GLT1D1: variants seen among roughly 807,000 people sequenced by gnomAD.
The protein encoded by GLT1D1 is glycosyltransferase 1 domain-containing protein 1.
GLT1D1 carries 21 observed loss-of-function variants against 28.7 expected under a neutral mutation model. That is an observed-to-expected ratio of 0.73 (90% CI 0.52 to 1.05). The LOEUF is 1.05. Ranked by LOEUF, GLT1D1 falls within the 50% of genes least tolerant of loss-of-function variation. The pLI, the probability that GLT1D1 is intolerant of heterozygous loss-of-function variation, is 0.00. For missense variants in GLT1D1, 343 were observed against 330.6 expected, an observed-to-expected ratio of 1.04 and a Z score of -0.29; for synonymous variants, 147 against 124.8, an observed-to-expected ratio of 1.18 and a Z score of -1.19.
At chr12:128,854,280 C>CCCG (rs1956151089) in intron 1 of GLT1D1, among the ~76,000 whole-genome samples, 1 of 152,238 alleles carries the variant, frequency 6.6e-6, no homozygotes, top group African/African-American at 2.4e-5. Context: ...CCGCGTTAAT[C>CCCG]CCGCCGCCTC....
intron 1 of GLT1D1, among the ~76,000 whole-genome samples, chr12:128,867,057 A>G (rs926904133): frequency 2.6e-5 from 4 of 151,910 alleles, no homozygotes; most frequent in South Asian, 2.1e-4. Context: ...TCTGACATAG[A>G]GGAGATTTGC....
intron 2 of GLT1D1, among the ~76,000 whole-genome samples, chr12:128,886,797 A>G (rs746549995): frequency 2.0e-5 from 3 of 151,982 alleles, no homozygotes; most frequent in Non-Finnish European, 2.9e-5. Context: ...GGGAGCAATT[A>G]TTCTCCCTAC....
chr12:128,916,559 T>C (rs1872132615), intron 4 of GLT1D1, among the ~76,000 whole-genome samples: 1 of 152,206 alleles, frequency 6.6e-6, no homozygotes, highest in Non-Finnish European at 1.5e-5. Context: ...AGGGAGATAA[T>C]GAAATGGTGT....
At chr12:128,901,806 G>C (rs985705633) in intron 4 of GLT1D1, among the ~76,000 whole-genome samples, 3 of 150,942 alleles carry the variant, frequency 2.0e-5, no homozygotes, top group Non-Finnish European at 4.4e-5. Context: ...AGATTGCAGT[G>C]GTGCAATCAT....
chr12:128,935,011 T>G (rs890683427), intron 4 of GLT1D1, among the ~76,000 whole-genome samples: 12 of 151,914 alleles, frequency 7.9e-5, no homozygotes, highest in Non-Finnish European at 1.6e-4. Context: ...AAGGACGGGG[T>G]CCAGGAAGAG....
rs932646012 is a variant in GLT1D1 at position 128,912,523 on chromosome 12, G to A, written c.375+13236G>A. ...GATAGAGAATGAATATATCAAAATA[G>A]ATGCATATTTATATGTGATAAATAT... On this transcript the variant is annotated intron_variant, in intron 4 of 7. Coordinates refer to ENST00000281703, the MANE Select transcript of GLT1D1 (RefSeq NM_144669.3). The A allele has an allele frequency of 1.3e-5, 10 of 770,340 alleles. No homozygotes were observed. In the South Asian group the frequency reaches 2.0e-4, roughly 16 times the overall value. 47.7% of individuals were successfully genotyped at this position (770,340 alleles called of 1,614,324 possible). A position where few individuals can be genotyped will look rare whatever the true frequency, so the allele number is the denominator to read the frequency against.
intron 1 of GLT1D1, among the ~76,000 whole-genome samples, chr12:128,867,450 A>T (rs1449037775): frequency 6.0e-5 from 9 of 149,432 alleles, no homozygotes; most frequent in African/African-American, 2.2e-4. Flanking sequence ...AAAAAAAGAG[A>T]GTTGGCACCT....
At chr12:128,967,724 T>A (rs1878597041) in intron 7 of GLT1D1, among the ~76,000 whole-genome samples, 1 of 152,222 alleles carries the variant, frequency 6.6e-6, no homozygotes, top group Non-Finnish European at 1.5e-5. Flanking sequence ...TACTTACGGA[T>A]TTGGGGAGGC....
At chr12:128,925,784 C>G (rs1194692524) in intron 4 of GLT1D1, among the ~76,000 whole-genome samples, 2 of 152,186 alleles carry the variant, frequency 1.3e-5, no homozygotes, top group Non-Finnish European at 2.9e-5. Flanking sequence ...TGAGTCAGTT[C>G]CCCCGTGCCT....
intron 4 of GLT1D1, among the ~76,000 whole-genome samples, chr12:128,923,893 C>T (rs1412634898): frequency 2.0e-5 from 3 of 152,042 alleles, no homozygotes; most frequent in South Asian, 2.1e-4. Flanking sequence ...AAATTTACGC[C>T]TCTTTTTCAG....
At chr12:128,959,533 G>A (rs920049050) in intron 7 of GLT1D1, among the ~76,000 whole-genome samples, 3 of 151,494 alleles carry the variant, frequency 2.0e-5, no homozygotes, top group African/African-American at 4.9e-5. Flanking sequence ...GTATCAGCAG[G>A]TCATGAATAA....
intron 6 of GLT1D1, among the ~76,000 whole-genome samples, chr12:128,949,705 T>C (rs1876485800): frequency 6.6e-6 from 1 of 152,128 alleles, no homozygotes; most frequent in Non-Finnish European, 1.5e-5. Context: ...TAAAAGTATA[T>C]AAACAGTTAT....
chr12:128,945,017 A>G (rs999301937), intron 4 of GLT1D1: 19 of 612,586 alleles, frequency 3.1e-5, no homozygotes, highest in Admixed American at 2.1e-4. Flanking sequence ...TCATTGTTCA[A>G]TTCCCACCTA....
chr12:128,901,440 T>TCA, intron 4 of GLT1D1, among the ~76,000 whole-genome samples: 4 of 34,684 alleles, frequency 1.2e-4, no homozygotes, highest in African/African-American at 2.5e-4. Flanking sequence ...CTCTCTCTCA[T>TCA]TTTTTTTTTT....
intron 7 of GLT1D1, among the ~76,000 whole-genome samples, chr12:128,972,677 C>T (rs1175464296): frequency 6.6e-6 from 1 of 152,098 alleles, no homozygotes; most frequent in African/African-American, 2.4e-5. Context: ...TCTTATCAGC[C>T]CCATTTCCTA....
chr12:128,956,146 G>C (rs1306456318), intron 6 of GLT1D1, among the ~76,000 whole-genome samples: 1 of 3,172 alleles, frequency 3.2e-4, no homozygotes, highest in Non-Finnish European at 6.4e-4. Context: ...GTGACAGAGC[G>C]AGACTCCATC....
chr12:128,874,124 C>CTTTCTTTCTTTCTT (rs1352539357), intron 1 of GLT1D1, among the ~76,000 whole-genome samples: 1 of 39,284 alleles, frequency 2.5e-5, no homozygotes, highest in African/African-American at 1.1e-4. Context: ...CTCTCTCTCT[C>CTTTCTTTCTTTCTT]TCTTTCTTTC....
chr12:128,914,653 C>T (rs1871907690), intron 4 of GLT1D1, among the ~76,000 whole-genome samples: 1 of 151,868 alleles, frequency 6.6e-6, no homozygotes, highest in Non-Finnish European at 1.5e-5. Flanking sequence ...AACCCTGTCT[C>T]TACTAAAAAT....
chr12:128,856,601 C>T (rs1956230855), intron 1 of GLT1D1, among the ~76,000 whole-genome samples: 1 of 152,090 alleles, frequency 6.6e-6, no homozygotes, highest in Non-Finnish European at 1.5e-5. Flanking sequence ...GGTGAGAACA[C>T]AGGTCCTGAG....
Sources: gnomAD v4.1 joint callset for allele counts (sites outside exome capture counted in the v4.1 genomes callset) on GRCh38, gnomAD v4.1.1 for gene constraint, MANE v1.5 for transcripts, NCBI Gene and HGNC (gene_info 2026-07-23, HGNC 2026-07-21) for gene names.